The following SCN2A variants were observed in gnomAD, a reference collection of about 807,000 sequenced individuals.
The protein encoded by SCN2A is sodium channel protein type 2 subunit alpha.
SCN2A carries 20 observed loss-of-function variants against 188.7 expected under a neutral mutation model. That is an observed-to-expected ratio of 0.11 (90% CI 0.07 to 0.15). SCN2A has a LOEUF of 0.15. SCN2A is among the 10% of genes least tolerant of loss of function. The probability of loss-of-function intolerance (pLI) is 1.00; values close to 1 mark genes in which losing one functional copy is unlikely to be tolerated. For synonymous variants in SCN2A, 804 were observed against 833.1 expected (o/e 0.97, Z 0.60); for missense variants, 1,278 against 2,445.0 (o/e 0.52, Z 10.07).
chr2:165,276,672 G>A (rs901579333), intron 1 of SCN2A, among the ~76,000 whole-genome samples: 12 of 152,014 alleles, frequency 7.9e-5, no homozygotes, highest in Admixed American at 2.0e-4. Context: ...TGCAGGTTAG[G>A]CCCCATTATT....
chr2:165,381,274 G>A (rs1331743506), intron 25 of SCN2A, 77 bp downstream of exon 25: 1 of 1,072,776 alleles, frequency 9.3e-7, no homozygotes, highest in Non-Finnish European at 1.4e-6. Flanking sequence ...CTAGAAACTA[G>A]TTATTTTTGT....
chr2:165,328,098 A>C (rs1378879621), intron 13 of SCN2A: 1 of 152,140 alleles, frequency 6.6e-6, no homozygotes, highest in South Asian at 2.1e-4. Flanking sequence ...TTGAGATTGG[A>C]TAGATTCCTG....
chr2:165,387,242 T>A (rs1385515857), intron 26 of SCN2A, among the ~76,000 whole-genome samples: 2 of 152,198 alleles, frequency 1.3e-5, no homozygotes, highest in Non-Finnish European at 2.9e-5. Context: ...TCATTTATTC[T>A]CATTTAATAT....
chr2:165,294,115 G>A, intron 1 of SCN2A: 1 of 980,944 alleles, frequency 1.0e-6, no homozygotes, highest in South Asian at 4.7e-5. Context: ...CCAAACTCTG[G>A]GTGTAAAAGA....
chr2:165,334,954 C>G (rs2390163), intron 14 of SCN2A, among the ~76,000 whole-genome samples: 1 of 151,208 alleles, frequency 6.6e-6, no homozygotes, highest in African/African-American at 2.4e-5. Flanking sequence ...AATTATATTT[C>G]TAAACACTAC....
chr2:165,290,334 A>G (rs1172363202), intron 1 of SCN2A, among the ~76,000 whole-genome samples: 1 of 152,114 alleles, frequency 6.6e-6, no homozygotes, highest in Non-Finnish European at 1.5e-5. Context: ...GTAATTTTGT[A>G]TCCTTTAACA....
At chr2:165,361,484 A>G (rs1316885292) in intron 17 of SCN2A, among the ~76,000 whole-genome samples, 1 of 152,058 alleles carries the variant, frequency 6.6e-6, no homozygotes, top group Non-Finnish European at 1.5e-5. Flanking sequence ...GGTGCAGAAG[A>G]TCTGGAATCC....
chr2:165,256,175 A>G (rs577109371), intron 1 of SCN2A, among the ~76,000 whole-genome samples: 2 of 151,332 alleles, frequency 1.3e-5, no homozygotes, highest in South Asian at 4.2e-4. Context: ...CCGACTAATT[A>G]TGTATTTTTA....
chr2:165,293,666 A>C (rs921402883), intron 1 of SCN2A, among the ~76,000 whole-genome samples: 1 of 152,122 alleles, frequency 6.6e-6, no homozygotes, highest in African/African-American at 2.4e-5. Context: ...CTTTACTTTA[A>C]ATTTGAATTC....
intron 14 of SCN2A, among the ~76,000 whole-genome samples, chr2:165,339,518 CTG>C (rs922489169): frequency 2.6e-5 from 4 of 151,840 alleles, no homozygotes; most frequent in African/African-American, 9.7e-5. Context: ...ATCTTTAAAA[CTG>C]ATTAGAAATA....
rs1009916481 is a variant in SCN2A at position 165,315,416 on chromosome 2, T to C, written c.1384-55T>C. 1.1e-4 allele frequency: 176 copies of C among 1,609,314 alleles called. 1 individual carries two copies. Among genetic ancestry groups the C allele is most frequent in the Non-Finnish European group, 1.4e-4 (162 of 1,178,704 alleles). Reference sequence around the variant, plus strand: ...ATTGAAGCTCAATTAAGCAGTAACATGATAATTACTTTTTAAGTTTATATG... The same window carrying C: ...ATTGAAGCTCAATTAAGCAGTAACACGATAATTACTTTTTAAGTTTATATG... On this transcript the variant is annotated intron_variant, in intron 10 of 26. Coordinates refer to ENST00000375437, the MANE Select transcript of SCN2A (RefSeq NM_001040142.2).
At chr2:165,263,972 A>G (rs1223770059) in intron 1 of SCN2A, among the ~76,000 whole-genome samples, 2 of 151,878 alleles carry the variant, frequency 1.3e-5, no homozygotes, top group East Asian at 3.9e-4. Flanking sequence ...TAGCAGAGCT[A>G]CTGAGTTGGG....
rs374751515 is a variant in SCN2A, at chr2:165,257,518, G to T, written c.-52+17878G>T. Among the ~76,000 whole-genome samples the T allele has an allele frequency of 2.6e-5, 4 of 152,098 alleles. No individual in the cohort carries two copies. In the East Asian group the frequency reaches 7.7e-4, roughly 29 times the overall value. On this transcript the variant is annotated intron_variant, in intron 1 of 26. Coordinates refer to ENST00000375437, the MANE Select transcript of SCN2A (RefSeq NM_001040142.2). Reference sequence around the variant, plus strand: ...GTTTTTGTTTCTGTGTTTTGTTGTTGTTGTTTTTGTTGTTGTTGTTCTTGT... The same window carrying T: ...GTTTTTGTTTCTGTGTTTTGTTGTTTTTGTTTTTGTTGTTGTTGTTCTTGT...
chr2:165,375,534 TAGTC>T (rs1701264647), intron 22 of SCN2A, among the ~76,000 whole-genome samples: 1 of 151,864 alleles, frequency 6.6e-6, no homozygotes, highest in African/African-American at 2.4e-5. Context: ...TATATAGAAG[TAGTC>T]AGGGAAGGGG....
At chr2:165,331,737 A>G (rs1240009782) in intron 14 of SCN2A, among the ~76,000 whole-genome samples, 169 bp downstream of exon 14, 1 of 152,176 alleles carries the variant, frequency 6.6e-6, no homozygotes, top group African/African-American at 2.4e-5. Context: ...CCATAGTGCA[A>G]AAGAGTCAAA....
chr2:165,300,927 C>T (rs1461833865), intron 3 of SCN2A, among the ~76,000 whole-genome samples: 2 of 151,958 alleles, frequency 1.3e-5, no homozygotes, highest in African/African-American at 2.4e-5. Context: ...AGACTGGGAC[C>T]GATTGTCATT....
At chr2:165,276,262 A>C (rs1009906997) in intron 1 of SCN2A, among the ~76,000 whole-genome samples, 35 of 129,004 alleles carry the variant, frequency 2.7e-4, no homozygotes, top group Non-Finnish European at 3.4e-4. Context: ...TGCCAAAAAT[A>C]CTTAGGAAAA....
At chr2:165,318,264 C>G (rs1697871714) in intron 11 of SCN2A, among the ~76,000 whole-genome samples, 1 of 152,122 alleles carries the variant, frequency 6.6e-6, no homozygotes, top group Non-Finnish European at 1.5e-5. Flanking sequence ...TTCTCAGACT[C>G]TGATTTGACT....
At chr2:165,352,930 G>T (rs1014642273) in intron 16 of SCN2A, among the ~76,000 whole-genome samples, 4 of 151,324 alleles carry the variant, frequency 2.6e-5, no homozygotes, top group African/African-American at 9.7e-5. Context: ...TCTTTCTTTT[G>T]TTCTGTATGT....
Sources: allele counts gnomAD v4.1 joint callset (sites outside exome capture counted in the v4.1 genomes callset), GRCh38; gene constraint gnomAD v4.1.1; transcripts MANE v1.5; gene names NCBI Gene and HGNC (gene_info 2026-07-23, HGNC 2026-07-21).